Variants in NRXN3 observed in about 807,000 individuals in gnomAD.
The protein encoded by NRXN3 is neurexin 3.
Under a neutral mutation model 137.6 loss-of-function variants are expected in NRXN3, and 32 were observed. That is an observed-to-expected ratio of 0.23 (90% CI 0.18 to 0.31). The LOEUF (loss-of-function observed/expected upper bound fraction) is 0.31. Ranked by LOEUF, NRXN3 falls within the 10% of genes least tolerant of loss-of-function variation. The pLI, the probability that NRXN3 is intolerant of heterozygous loss-of-function variation, is 1.00. For synonymous variants in NRXN3, 798 were observed against 784.5 expected, an observed-to-expected ratio of 1.02 and a Z score of -0.29; for missense variants, 1,574 against 2,062.5, an observed-to-expected ratio of 0.76 and a Z score of 4.59.
intron 20 of NRXN3, among the ~76,000 whole-genome samples, chr14:79,809,481 C>A (rs1016682274): frequency 5.3e-5 from 8 of 152,122 alleles, no homozygotes; most frequent in African/African-American, 1.7e-4. Flanking sequence ...TCTGCTTTTT[C>A]CTATCCCTAC....
intron 4 of NRXN3, among the ~76,000 whole-genome samples, chr14:78,422,760 C>A (rs1054167224): frequency 1.3e-5 from 2 of 152,088 alleles, no homozygotes; most frequent in Non-Finnish European, 1.5e-5. Context: ...TTAAGACTTG[C>A]AGAAATCAGA....
chr14:79,718,761 T>A (rs1412036387), intron 19 of NRXN3, among the ~76,000 whole-genome samples: 2 of 152,202 alleles, frequency 1.3e-5, no homozygotes, highest in African/African-American at 2.4e-5. Context: ...GTTTTTAATT[T>A]TTTTTTATTT....
intron 8 of NRXN3, among the ~76,000 whole-genome samples, chr14:78,749,005 C>G (rs2098628295): frequency 6.6e-6 from 1 of 152,184 alleles, no homozygotes; most frequent in Non-Finnish European, 1.5e-5. Context: ...CGACCCAACT[C>G]AGAAATGCCT....
intron 19 of NRXN3, among the ~76,000 whole-genome samples, chr14:79,766,369 G>A (rs186451420): frequency 4.6e-5 from 7 of 152,214 alleles, no homozygotes; most frequent in African/African-American, 1.4e-4. Flanking sequence ...AAGGTTGTCC[G>A]CATCTTATGT....
chr14:79,606,984 A>C (rs2153838195), intron 16 of NRXN3, among the ~76,000 whole-genome samples: 1 of 152,308 alleles, frequency 6.6e-6, no homozygotes, highest in South Asian at 2.1e-4. Context: ...TGCTTTAGAA[A>C]CTGGGTAAAT....
chr14:79,492,817 A>G (rs1296006290), intron 16 of NRXN3, among the ~76,000 whole-genome samples: 2 of 152,222 alleles, frequency 1.3e-5, no homozygotes, highest in Non-Finnish European at 2.9e-5. Context: ...TCTATCAATC[A>G]TGCATTGGAA....
intron 4 of NRXN3, among the ~76,000 whole-genome samples, chr14:78,545,425 C>T (rs1325239043): frequency 2.0e-5 from 3 of 152,080 alleles, no homozygotes; most frequent in Non-Finnish European, 4.4e-5. Flanking sequence ...CCCTCTTCTC[C>T]TTTTTGTCCA....
chr14:78,922,845 A>G (rs1156543498), intron 10 of NRXN3, among the ~76,000 whole-genome samples: 1 of 152,202 alleles, frequency 6.6e-6, no homozygotes, highest in East Asian at 1.9e-4. Flanking sequence ...CTGTACATGT[A>G]TCCCAGACCC....
At chr14:79,357,444 G>T (rs1352468840) in intron 15 of NRXN3, among the ~76,000 whole-genome samples, 1 of 152,088 alleles carries the variant, frequency 6.6e-6, no homozygotes, top group Non-Finnish European at 1.5e-5. Context: ...CAGTCTCAGG[G>T]TGGCCAATCA....
intron 4 of NRXN3, among the ~76,000 whole-genome samples, chr14:78,410,450 G>C (rs76044648): frequency 0.014 from 2,165 of 152,280 alleles, 45 homozygotes; most frequent in African/African-American, 0.049. Flanking sequence ...TGAATAATAG[G>C]AAATAATGTC....
chr14:79,218,674 T>G (rs1303283233), intron 15 of NRXN3, among the ~76,000 whole-genome samples: 1 of 152,164 alleles, frequency 6.6e-6, no homozygotes, highest in Non-Finnish European at 1.5e-5. Flanking sequence ...AGTCAGAGAA[T>G]TGTTAATACA....
intron 4 of NRXN3, among the ~76,000 whole-genome samples, chr14:78,543,153 C>T (rs1475990156): frequency 6.6e-6 from 1 of 152,056 alleles, no homozygotes; most frequent in African/African-American, 2.4e-5. Flanking sequence ...TGATGGTTAT[C>T]TGAGCACCAG....
At chr14:78,318,185 A>G (rs1328909418) in intron 4 of NRXN3, among the ~76,000 whole-genome samples, 1 of 152,188 alleles carries the variant, frequency 6.6e-6, no homozygotes, top group Non-Finnish European at 1.5e-5. Context: ...CATAGGTAAC[A>G]TTTGGAAGCA....
At chr14:79,813,940 G>GTATCT (rs2140904524) in intron 20 of NRXN3, among the ~76,000 whole-genome samples, 1 of 152,296 alleles carries the variant, frequency 6.6e-6, no homozygotes, top group South Asian at 2.1e-4. Context: ...AATATTTGTT[G>GTATCT]TATCTTTTAT....
intron 15 of NRXN3, among the ~76,000 whole-genome samples, chr14:79,458,709 C>T (rs527920196): frequency 6.6e-6 from 1 of 152,182 alleles, no homozygotes; most frequent in East Asian, 1.9e-4. Context: ...TTTTGTTTTG[C>T]TATATAAGAA....
At chr14:78,809,293 C>A (rs928078522) in intron 9 of NRXN3, among the ~76,000 whole-genome samples, 2 of 148,658 alleles carry the variant, frequency 1.3e-5, no homozygotes, top group South Asian at 2.2e-4. Flanking sequence ...AAACAAAAAC[C>A]AAAAAATTTT....
chr14:79,412,493 G>A (rs951200585), intron 15 of NRXN3, among the ~76,000 whole-genome samples: 1 of 151,790 alleles, frequency 6.6e-6, no homozygotes, highest in Non-Finnish European at 1.5e-5. Flanking sequence ...TAAAAAGCTA[G>A]GATCAGCTGG....
At chr14:79,002,185 A>G (rs1025198982) in intron 15 of NRXN3, among the ~76,000 whole-genome samples, 4 of 152,086 alleles carry the variant, frequency 2.6e-5, no homozygotes, top group Non-Finnish European at 4.4e-5. Flanking sequence ...TCAAATGTAA[A>G]CATATTCCTG....
intron 15 of NRXN3, among the ~76,000 whole-genome samples, chr14:79,167,647 A>G (rs2219848): frequency 0.55 from 83,065 of 151,394 alleles, 23,825 homozygotes; most frequent in East Asian, 0.64. Flanking sequence ...TTTTTCTTCA[A>G]TGATGTCTAA....
Sources: allele counts gnomAD v4.1 joint callset (sites outside exome capture counted in the v4.1 genomes callset), GRCh38; gene constraint gnomAD v4.1.1; transcripts MANE v1.5; gene names NCBI Gene and HGNC (gene_info 2026-07-23, HGNC 2026-07-21).